Variants in ITCH observed in about 807,000 individuals in gnomAD.
ITCH encodes the protein itchy E3 ubiquitin protein ligase.
A neutral mutation model predicts 126.8 loss-of-function variants in ITCH; 28 were observed. That is an observed-to-expected ratio of 0.22 (90% CI 0.16 to 0.30). The LOEUF (loss-of-function observed/expected upper bound fraction) is 0.30. Among genes scored for constraint, ITCH ranks in the 10% least tolerant of loss-of-function variants. ITCH has a pLI of 1.00. For synonymous variants in ITCH, 342 were observed against 340.0 expected (o/e 1.01, Z -0.06); for missense variants, 631 against 1,032.4 (o/e 0.61, Z 5.33).
chr20:34,497,285 G>T (rs1005517947), intron 23 of ITCH, among the ~76,000 whole-genome samples: 1 of 151,182 alleles, frequency 6.6e-6, no homozygotes, highest in Non-Finnish European at 1.5e-5. Context: ...ATGAGCCACT[G>T]TGCCCAGCCA....
At chr20:34,437,602 C>T (rs1464176891) in intron 7 of ITCH, among the ~76,000 whole-genome samples, 4 of 152,160 alleles carry the variant, frequency 2.6e-5, no homozygotes, top group African/African-American at 4.8e-5. Context: ...CCACAGCACC[C>T]GGCCTCTGTT....
At chr20:34,467,188 T>C (rs1652708798) in intron 14 of ITCH, among the ~76,000 whole-genome samples, 1 of 152,128 alleles carries the variant, frequency 6.6e-6, no homozygotes, top group African/African-American at 2.4e-5. Context: ...CAAGAACAGA[T>C]AGTAAGTCTA....
chr20:34,428,290 G>A (rs1469043065), intron 7 of ITCH, among the ~76,000 whole-genome samples: 1 of 152,224 alleles, frequency 6.6e-6, no homozygotes, highest in Admixed American at 6.5e-5. Flanking sequence ...CTAAAAGGCA[G>A]GGAAGTATAT....
chr20:34,459,066 A>G (rs1288202834), intron 13 of ITCH, among the ~76,000 whole-genome samples: 1 of 152,170 alleles, frequency 6.6e-6, no homozygotes, highest in East Asian at 1.9e-4. Flanking sequence ...ATCAGCGACA[A>G]TATTGGGGGT....
intron 6 of ITCH, among the ~76,000 whole-genome samples, chr20:34,423,697 G>A (rs1363619998): frequency 2.6e-5 from 4 of 152,004 alleles, no homozygotes; most frequent in Non-Finnish European, 4.4e-5. Context: ...TCTGCCTCCC[G>A]GGTTCTAGCG....
chr20:34,454,817 GTTTTTTTTTTTTTTTTT>G (rs200486269), intron 12 of ITCH, among the ~76,000 whole-genome samples: 20 of 109,554 alleles, frequency 1.8e-4, no homozygotes, highest in Admixed American at 3.1e-4. Context: ...TTCTTTTCCT[GTTTTTTTTTTTTTTTTT>G]TTTTTTTTTT....
chr20:34,458,340 T>C (rs1212352333), intron 13 of ITCH, among the ~76,000 whole-genome samples: 1 of 152,200 alleles, frequency 6.6e-6, no homozygotes, highest in Non-Finnish European at 1.5e-5. Flanking sequence ...TAAAGAGATA[T>C]ATGTACATTA....
chr20:34,478,548 G>A (rs1409869114), intron 17 of ITCH, among the ~76,000 whole-genome samples: 1 of 152,118 alleles, frequency 6.6e-6, no homozygotes, highest in African/African-American at 2.4e-5. Context: ...GACGGGATTT[G>A]AATCTTTTTC....
At position 34,507,945 on chromosome 20, in the gene ITCH, C is replaced by T; in HGVS notation, c.*151C>T. On this transcript the variant is annotated 3_prime_UTR_variant, in exon 25 of 25. Coordinates refer to ENST00000374864, the MANE Select transcript of ITCH (RefSeq NM_031483.7). ...AATGTTCTCATTTAGATTTATCTCCCAGTGATTTCTACTCAGCGTTTCCAG... is the reference window on the plus strand; with the variant it reads ...AATGTTCTCATTTAGATTTATCTCCTAGTGATTTCTACTCAGCGTTTCCAG... 1 of 654,854 alleles carries T rather than the reference C, an allele frequency of 1.5e-6. No individual in the cohort carries two copies. The highest frequency in any genetic ancestry group is 2.8e-6 in the Non-Finnish European group (1 of 360,960). The allele number at this position is 654,854 out of a possible 1,614,324, so 40.6% of individuals were successfully genotyped here.
At chr20:34,386,729 A>C (rs2038296760) in intron 2 of ITCH, among the ~76,000 whole-genome samples, 1 of 152,220 alleles carries the variant, frequency 6.6e-6, no homozygotes, top group Admixed American at 6.5e-5. Flanking sequence ...ATTTCTGAAA[A>C]TAAACCAAGC....
At chr20:34,391,767 G>C (rs1347763041) in intron 2 of ITCH, among the ~76,000 whole-genome samples, 4 of 152,048 alleles carry the variant, frequency 2.6e-5, no homozygotes, top group African/African-American at 9.7e-5. Context: ...TAATTATCTG[G>C]AGAGTCATTG....
rs113192151 is a variant in ITCH, at chr20:34,464,578, C to T, written c.1424+2357C>T. Among the ~76,000 whole-genome samples, 1,110 of 152,188 alleles carry T rather than the reference C, an allele frequency of 7.3e-3. 14 individuals carry two copies. The highest frequency in any genetic ancestry group is 0.025 in the African/African-American group (1,055 of 41,530). On this transcript the variant is annotated intron_variant, in intron 14 of 24. Coordinates refer to ENST00000374864, the MANE Select transcript of ITCH (RefSeq NM_031483.7). ...CCGACCTCAGGTGATCCGCCCGCCT[C>T]AGCCTCCTGAAGTGTTGGGATTACA...
chr20:34,496,803 CA>C (rs60619641), intron 23 of ITCH, among the ~76,000 whole-genome samples: 52,195 of 99,164 alleles, frequency 0.53, 10,400 homozygotes, highest in Middle Eastern at 0.58. Flanking sequence ...CACTCCATCT[CA>C]AAAAAAAAAA....
At chr20:34,477,179 A>G (rs1988308141) in intron 16 of ITCH, among the ~76,000 whole-genome samples, 1 of 152,194 alleles carries the variant, frequency 6.6e-6, no homozygotes, top group African/African-American at 2.4e-5. Context: ...GACCATGCCC[A>G]TCTATGTTCT....
At chr20:34,471,344 C>T in intron 15 of ITCH, 100 bp from the exon 16 acceptor site, 1 of 737,740 alleles carries the variant, frequency 1.4e-6, no homozygotes, top group Non-Finnish European at 2.5e-6. Flanking sequence ...CTACTTGTTT[C>T]TGTAAGGAAA....
At chr20:34,484,134 A>G (rs2146485889) in intron 20 of ITCH, among the ~76,000 whole-genome samples, 1 of 152,342 alleles carries the variant, frequency 6.6e-6, no homozygotes, top group South Asian at 2.1e-4. Context: ...TTGGGTGGGG[A>G]CACAGAGCCA....
chr20:34,385,994 A>G (rs1354788690), intron 2 of ITCH, among the ~76,000 whole-genome samples: 1 of 152,212 alleles, frequency 6.6e-6, no homozygotes, highest in Non-Finnish European at 1.5e-5. Context: ...CTGAGAAATT[A>G]AATTATGGAA....
At chr20:34,503,710 T>C (rs574291189) in intron 23 of ITCH, among the ~76,000 whole-genome samples, 1 of 152,262 alleles carries the variant, frequency 6.6e-6, no homozygotes, top group Non-Finnish European at 1.5e-5. Context: ...CTGCATTTTC[T>C]CCTTTGGGAC....
rs1985813655 is a variant in ITCH, at chr20:34,455,607, T to G, written c.1211-1783T>G. ...CCTCTCGAGTTGCTGGGACTACAGG[T>G]GCACACCGCCATGCCTGGCTAATTT... On this transcript the variant is annotated intron_variant, in intron 12 of 24. Transcript: ENST00000374864. 2.6e-5 allele frequency among the ~76,000 whole-genome samples: 4 copies of G among 151,044 alleles called. No individual in the cohort carries two copies. In the South Asian group the frequency reaches 8.4e-4, roughly 32 times the overall value.
Sources: allele counts gnomAD v4.1 joint callset (sites outside exome capture counted in the v4.1 genomes callset), GRCh38; gene constraint gnomAD v4.1.1; transcripts MANE v1.5; gene names NCBI Gene and HGNC (gene_info 2026-07-23, HGNC 2026-07-21).